KIAA1549: variants seen among roughly 807,000 people sequenced by gnomAD.
The protein encoded by KIAA1549 is UPF0606 protein KIAA1549.
In KIAA1549, 70 loss-of-function variants were observed where a neutral mutation model predicts 156.4. The observed-to-expected ratio is 0.45, with a 90% CI of 0.37 to 0.55. KIAA1549 has a LOEUF of 0.55. Ranked by LOEUF, KIAA1549 falls within the 20% of genes least tolerant of loss-of-function variation. The pLI is 0.00. For missense variants in KIAA1549, 2,428 were observed against 2,540.9 expected (o/e 0.96, Z 0.96); for synonymous variants, 1,103 against 1,066.4 (o/e 1.03, Z -0.67).
At chr7:138,853,131 A>T (rs373104505) in intron 16 of KIAA1549, among the ~76,000 whole-genome samples, 1 of 152,232 alleles carries the variant, frequency 6.6e-6, no homozygotes, top group East Asian at 1.9e-4. Context: ...TTTCAGAAGA[A>T]CAGTAACTAT....
chr7:138,964,042 G>A lies in KIAA1549; in HGVS notation c.187+17041C>T, dbSNP rs760800897. On this transcript the variant is annotated intron_variant, in intron 1 of 19. Coordinates refer to ENST00000422774, the MANE Select transcript of KIAA1549 (RefSeq NM_001164665.2). ...TTATTGTTAAAATGTTTAATTTGCC[G>A]AAATAAAGTAAAATGCACCACCACA... is the stretch of plus-strand genomic sequence containing the variant. Among the ~76,000 whole-genome samples the A allele has an allele frequency of 1.7e-4, 26 of 152,266 alleles. No homozygotes were observed. In the South Asian group the frequency reaches 2.9e-3, roughly 17 times the overall value.
At chr7:138,888,543 T>C (rs908710597) in intron 10 of KIAA1549, among the ~76,000 whole-genome samples, 8 of 152,236 alleles carry the variant, frequency 5.3e-5, no homozygotes, top group Non-Finnish European at 1.2e-4. Context: ...ATAATGTACT[T>C]AACAGCAATC....
chr7:138,960,632 T>C (rs1353415652), intron 1 of KIAA1549, among the ~76,000 whole-genome samples: 1 of 152,126 alleles, frequency 6.6e-6, no homozygotes, highest in East Asian at 1.9e-4. Flanking sequence ...AAATTTTAAA[T>C]ACATGCTACA....
intron 1 of KIAA1549, among the ~76,000 whole-genome samples, chr7:138,938,205 G>A (rs1355771498): frequency 1.3e-5 from 2 of 152,098 alleles, no homozygotes; most frequent in Non-Finnish European, 2.9e-5. Flanking sequence ...CAGAAACCGA[G>A]CCTGCTATGA....
At chr7:138,867,043 T>C (rs545505011) in intron 15 of KIAA1549, among the ~76,000 whole-genome samples, 1 of 152,218 alleles carries the variant, frequency 6.6e-6, no homozygotes, top group African/African-American at 2.4e-5. Context: ...GCTCAAGCGA[T>C]CCATCCACCT....
intron 17 of KIAA1549, among the ~76,000 whole-genome samples, chr7:138,847,792 A>T (rs1046018569): frequency 6.6e-6 from 1 of 152,228 alleles, no homozygotes; most frequent in African/African-American, 2.4e-5. Flanking sequence ...AATTACTGGG[A>T]TTCTGAATGG....
chr7:138,910,941 A>T (rs1456271951), intron 4 of KIAA1549, among the ~76,000 whole-genome samples: 1 of 151,890 alleles, frequency 6.6e-6, no homozygotes, highest in African/African-American at 2.4e-5. Context: ...CTGAGGCAGG[A>T]GGATTGTTCG....
At chr7:138,924,182 C>CTT (rs1233229501) in intron 1 of KIAA1549, among the ~76,000 whole-genome samples, 1 of 92,350 alleles carries the variant, frequency 1.1e-5, no homozygotes, top group Non-Finnish European at 2.1e-5. Context: ...CTTTTCTTTT[C>CTT]TTTTTTTTTT....
At chr7:138,848,244 C>A (rs1017381169) in intron 17 of KIAA1549, among the ~76,000 whole-genome samples, 3 of 152,196 alleles carry the variant, frequency 2.0e-5, no homozygotes, top group Non-Finnish European at 4.4e-5. Context: ...GTCATGTGAG[C>A]AGGCATTTCT....
chr7:138,954,714 G>C (rs78597317), intron 1 of KIAA1549, among the ~76,000 whole-genome samples: 12,505 of 152,218 alleles, frequency 0.082, 577 homozygotes, highest in Admixed American at 0.096. Flanking sequence ...TCTGCCGCTC[G>C]TGGAGAGGTA....
chr7:138,927,322 T>A (rs1812747336), intron 1 of KIAA1549, among the ~76,000 whole-genome samples: 1 of 152,218 alleles, frequency 6.6e-6, no homozygotes, highest in Non-Finnish European at 1.5e-5. Context: ...TGTACATGTG[T>A]AGATATGTAT....
At chr7:138,850,977 G>A (rs969690392) in intron 17 of KIAA1549, among the ~76,000 whole-genome samples, 2 of 152,142 alleles carry the variant, frequency 1.3e-5, no homozygotes, top group African/African-American at 4.8e-5. Context: ...AAAGGAAGCT[G>A]TATTTTACAG....
At chr7:138,875,972 T>G (rs77387802) in intron 12 of KIAA1549, among the ~76,000 whole-genome samples, 6 of 143,198 alleles carry the variant, frequency 4.2e-5, no homozygotes, top group East Asian at 2.0e-4. Flanking sequence ...ATTTTTTCTG[T>G]TTTTTTTTTT....
chr7:138,890,076 G>C (rs1811504654), intron 10 of KIAA1549, among the ~76,000 whole-genome samples: 1 of 152,182 alleles, frequency 6.6e-6, no homozygotes, highest in Admixed American at 6.5e-5. Flanking sequence ...TCTGAAGAAG[G>C]ATGGCTCTTT....
chr7:138,837,462 G>A lies in KIAA1549; in HGVS notation c.*444C>T, dbSNP rs1809749035. The A allele has an allele frequency of 3.9e-6, 1 of 256,828 alleles. No homozygotes were observed. Among genetic ancestry groups the A allele is most frequent in the African/African-American group, 2.2e-5 (1 of 46,044 alleles). The allele number at this position is 256,828 out of a possible 1,614,324, so 15.9% of individuals were successfully genotyped here. A position where few individuals can be genotyped will look rare whatever the true frequency, so the allele number is the denominator to read the frequency against. Reference sequence around the variant, plus strand: ...TGGAGTAAAAGAGAAAAATTAAGCTGTTAATAAAATGTCTTCAAACCTCTT... The same window carrying A: ...TGGAGTAAAAGAGAAAAATTAAGCTATTAATAAAATGTCTTCAAACCTCTT... On this transcript the variant is annotated 3_prime_UTR_variant, in exon 20 of 20. Transcript: ENST00000422774.
At chr7:138,926,220 A>G (rs1812713612) in intron 1 of KIAA1549, among the ~76,000 whole-genome samples, 1 of 152,234 alleles carries the variant, frequency 6.6e-6, no homozygotes, top group Non-Finnish European at 1.5e-5. Flanking sequence ...GAGTTTACCA[A>G]CAAAAGCAGT....
intron 1 of KIAA1549, among the ~76,000 whole-genome samples, chr7:138,953,241 A>G (rs1030523273): frequency 2.6e-5 from 4 of 152,192 alleles, no homozygotes; most frequent in African/African-American, 9.7e-5. Flanking sequence ...CTGTAGTCCA[A>G]GCTACTCAGG....
chr7:138,895,543 T>C (rs75570988), intron 9 of KIAA1549, among the ~76,000 whole-genome samples: 2,968 of 152,110 alleles, frequency 0.02, 93 homozygotes, highest in African/African-American at 0.068. Context: ...ACAAAATGTA[T>C]GATTCTACCT....
rs2130333643 is a variant in KIAA1549 at position 138,844,297 on chromosome 7, A to G, written c.5452+20T>C. On this transcript the variant is annotated intron_variant, in intron 18 of 19. Coordinates refer to ENST00000422774, the MANE Select transcript of KIAA1549 (RefSeq NM_001164665.2). ...AAATGTCCCGTAGCTCAGAAATGGA[A>G]GCTAAACAGCCACATATACCTGTGG... 5 of 1,613,778 alleles carry G rather than the reference A, an allele frequency of 3.1e-6. No homozygotes were observed. The highest frequency in any genetic ancestry group is 4.2e-6 in the Non-Finnish European group (5 of 1,179,806).
Sources: gnomAD v4.1 joint callset for allele counts (sites outside exome capture counted in the v4.1 genomes callset) on GRCh38, gnomAD v4.1.1 for gene constraint, MANE v1.5 for transcripts, NCBI Gene and HGNC (gene_info 2026-07-23, HGNC 2026-07-21) for gene names.